Variants in MAMDC4 observed in about 807,000 individuals in gnomAD.
MAMDC4 encodes the protein MAM domain containing 4, also known as apical endosomal glycoprotein.
MAMDC4 carries 168 observed loss-of-function variants against 153.3 expected under a neutral mutation model. The observed-to-expected ratio is 1.10, with a 90% confidence interval of 0.97 to 1.25. The LOEUF (loss-of-function observed/expected upper bound fraction) is 1.25, where lower values mean the gene tolerates loss of function less well. Among genes scored for constraint, MAMDC4 ranks in the 50% most tolerant of loss-of-function variants. The pLI is 0.00. For missense variants in MAMDC4, 1,701 were observed against 1,542.8 expected (o/e 1.10, Z -1.72); for synonymous variants, 744 against 651.5 (o/e 1.14, Z -2.16).
chr9:136,853,968 G>A (rs758063842), intron 5 of MAMDC4, 24 bp from the exon 6 acceptor site: 3 of 1,612,766 alleles, frequency 1.9e-6, no homozygotes, highest in Middle Eastern at 1.6e-4. Flanking sequence ...CCTGACTTAG[G>A]TCCTAAGAGC....
chr9:136,856,983 G>C lies in MAMDC4; in HGVS notation c.1914G>C (p.Val638=). ...HSAHLLSRPQ[V]PAAPTECLSF... ...CCCACCTGCTCTCCAGGCCCCAGGT[G>C]CCAGCAGCACCCACGGAGTGTCTCA... The change falls in exon 16 of 27, where the codon GTG becomes GTC. Residue 638 remains valine (V), a synonymous_variant. Transcript: ENST00000317446. 2 of 1,612,486 alleles carry C rather than the reference G, an allele frequency of 1.2e-6. No homozygotes were observed.
intron 18 of MAMDC4, 36 bp from the exon 19 acceptor site, chr9:136,857,623 G>A: frequency 6.2e-7 from 1 of 1,611,944 alleles, no homozygotes. Context: ...TTGAGGGGCT[G>A]GCCAGGGGCT....
intron 25 of MAMDC4, 40 bp downstream of exon 25, chr9:136,859,357 A>G: frequency 1.3e-6 from 2 of 1,557,328 alleles, no homozygotes; most frequent in Non-Finnish European, 1.7e-6. Flanking sequence ...AGGAGGGCCC[A>G]AGGGGCCAGC....
chr9:136,852,895 T>C (rs1324255011), intron 1 of MAMDC4, among the ~76,000 whole-genome samples: 1 of 152,178 alleles, frequency 6.6e-6, no homozygotes, highest in East Asian at 1.9e-4. Flanking sequence ...CCCCAGCCTC[T>C]TCAGGGCTGG....
chr9:136,857,900 G>T, intron 19 of MAMDC4, 79 bp from the exon 20 acceptor site: 1 of 1,485,356 alleles, frequency 6.7e-7, no homozygotes, highest in South Asian at 1.3e-5. Context: ...GCGCCCGCCA[G>T]GCTGGGAGCC....
chr9:136,857,955 G>T, intron 19 of MAMDC4, 24 bp from the exon 20 acceptor site: 1 of 1,490,752 alleles, frequency 6.7e-7, no homozygotes, highest in South Asian at 1.3e-5. Flanking sequence ...CCACACTGCT[G>T]ACCTGGGCCG....
In MAMDC4 at chr9:136,854,943, T is replaced by G; in HGVS notation, c.1030T>G (p.Phe344Val). 2 of 1,611,618 alleles carry G rather than the reference T, an allele frequency of 1.2e-6. No homozygotes were observed. The highest frequency in any genetic ancestry group is 1.7e-6 in the Non-Finnish European group (2 of 1,179,382). Reference sequence around the variant, plus strand: ...CCAGCTCTTGGTTCCACAGCTGGTCTTCTATCAGTACCTGAGTGGGTCTGA... The same window carrying G: ...CCAGCTCTTGGTTCCACAGCTGGTCGTCTATCAGTACCTGAGTGGGTCTGA... ...ASGTSNCSLV[F>V]YQYLSGSEAG... Residue 344 changes from phenylalanine to valine, a missense_variant, in exon 10 of 27, where the codon TTC becomes GTC. By Grantham distance (50) the Phe-to-Val change is conservative. Transcript: ENST00000317446.
At position 136,854,223 on chromosome 9, in the gene MAMDC4, A is replaced by G. The variant is rs1375708699; in HGVS notation, c.683A>G (p.Asn228Ser). The change falls in exon 7 of 27, where the codon AAC becomes AGC. Residue 228 changes from asparagine (N) to serine (S), a missense_variant. Asn to Ser is a conservative substitution (Grantham distance 46). Coordinates refer to ENST00000317446, the MANE Select transcript of MAMDC4 (RefSeq NM_206920.3). ...CTGCCCCACCCAGCCCCCCAGGCCA[A>G]CTGTCCCCCGGGACACCACCACTGC... ...WDCGLPTPQA[N>S]CPPGHHHCQN... 2.5e-6 allele frequency: 4 copies of G among 1,612,054 alleles called. No homozygotes were observed. Among genetic ancestry groups the G allele is most frequent in the East Asian group, 2.2e-5 (1 of 44,862 alleles).
rs751765600 is a variant in MAMDC4, at chr9:136,860,549, TTCC to T, written c.3373-5_3373-3del. The T allele has an allele frequency of 6.2e-7, 1 of 1,610,672 alleles. No individual in the cohort carries two copies. Among genetic ancestry groups the T allele is most frequent in the Non-Finnish European group, 8.5e-7 (1 of 1,179,456 alleles). ...GAAAGAAAGAAAAAAAAAGCTCCTCTTCCTCCTCCTAGGATGGTGTCACCCTCC... is the reference window on the plus strand; with the variant it reads ...GAAAGAAAGAAAAAAAAAGCTCCTCTTCCTCCTAGGATGGTGTCACCCTCC... On this transcript the variant is annotated splice_polypyrimidine_tract_variant and intron_variant, in intron 26 of 26. Transcript: ENST00000317446.
Position 136,859,977 on chromosome 9 carries a change from GC to G in MAMDC4, c.3286del (p.Arg1096AlafsTer54), listed in dbSNP as rs763228281. 54 of 1,612,886 alleles carry G rather than the reference GC, an allele frequency of 3.3e-5. No homozygotes were observed. Among genetic ancestry groups the G allele is most frequent in the Admixed American group, 1.0e-4 (6 of 59,986 alleles). On this transcript the variant is annotated frameshift_variant, in exon 26 of 27. Transcript: ENST00000317446. LOFTEE classifies it high-confidence loss of function. ...LLVLLGLGGR[R>X]WLQKKGSCPF... ...TGGTGCTGCTGGGACTTGGGGGACGGCGCTGGCTGCAGAAGAAGGGGAGCTG... is the reference window on the plus strand; with the variant it reads ...TGGTGCTGCTGGGACTTGGGGGACGGGCTGGCTGCAGAAGAAGGGGAGCTG...
At position 136,852,399 on chromosome 9, in the gene MAMDC4, G is replaced by A; in HGVS notation, c.-18G>A. The A allele has an allele frequency of 1.2e-6, 2 of 1,608,606 alleles. No homozygotes were observed. The highest frequency in any genetic ancestry group is 1.1e-5 in the South Asian group (1 of 91,088). On this transcript the variant is annotated 5_prime_UTR_variant, in exon 1 of 27. Transcript: ENST00000317446. ...CCCAGGCACCCTGTGTGGCCGCACT[G>A]CTCCCTCTGGCCCAACCATGCCTCT... is the stretch of plus-strand genomic sequence containing the variant.
rs1317529047 is a variant in MAMDC4 at position 136,854,952 on chromosome 9, T to A, written c.1039T>A (p.Tyr347Asn). The A allele has an allele frequency of 6.2e-7, 1 of 1,610,870 alleles. No homozygotes were observed. The change falls in exon 10 of 27, where the codon TAC (tyrosine) becomes AAC (asparagine). Residue 347 changes from tyrosine (Y) to asparagine (N), a missense_variant. Coordinates refer to ENST00000317446, the MANE Select transcript of MAMDC4 (RefSeq NM_206920.3). ...TSNCSLVFYQ[Y>N]LSGSEAGCLQ... ...GGTTCCACAGCTGGTCTTCTATCAG[T>A]ACCTGAGTGGGTCTGAGGCTGGCTG...
chr9:136,860,021 CAG>C lies in MAMDC4; in HGVS notation c.3332_3333del (p.Glu1111GlyfsTer7), dbSNP rs1849063499. On this transcript the variant is annotated frameshift_variant, in exon 26 of 27. Coordinates refer to ENST00000317446, the MANE Select transcript of MAMDC4 (RefSeq NM_206920.3). LOFTEE classifies it low-confidence loss of function (END_TRUNC). ...GGGAGCTGCCCCTTCCAGAGCAACA[CAG>C]AGGCCACAGCCCCTGGCTTTGACAA... 1 of 1,607,944 alleles carries C rather than the reference CAG, an allele frequency of 6.2e-7. No homozygotes were observed. Among genetic ancestry groups the C allele is most frequent in the South Asian group, 1.1e-5 (1 of 90,336 alleles).
chr9:136,857,533 C>A lies in MAMDC4; in HGVS notation c.2273C>A (p.Ser758Ter). The change falls in exon 18 of 27, where the codon TCG becomes TAG. Residue 758 changes from serine to a stop codon, truncating the protein, a stop_gained. Transcript: ENST00000317446. LOFTEE classifies it high-confidence loss of function. The stretch of plus-strand genomic sequence containing the variant: ...CTCTGGAGGCGGCAGGCCAATGCCT[C>A]GGGCCATGCTGCCTGGGGCCCCCCA... ...QGLWRRQANA[S>*]GHAAWGPPTD... 6.2e-7 allele frequency: 1 copy of A among 1,611,342 alleles called. No individual in the cohort carries two copies. The highest frequency in any genetic ancestry group is 8.5e-7 in the Non-Finnish European group (1 of 1,179,964).
In MAMDC4 at chr9:136,856,873, G is replaced by A. The variant is rs762413918; in HGVS notation, c.1838-34G>A. On this transcript the variant is annotated intron_variant, in intron 15 of 26. Coordinates refer to ENST00000317446, the MANE Select transcript of MAMDC4 (RefSeq NM_206920.3). ...GGGGTGGCTTTCAGACGAGAGTGGG[G>A]CATCTCTGCAGCACAGCCCCATGCC... The A allele has an allele frequency of 9.9e-6, 16 of 1,612,170 alleles. 1 individual carries two copies. In the South Asian group the frequency reaches 1.8e-4, roughly 18 times the overall value.
At position 136,858,549 on chromosome 9, in the gene MAMDC4, A is replaced by G. The variant is rs776052256; in HGVS notation, c.2821+3A>G. On this transcript the variant is annotated splice_donor_region_variant and intron_variant, in intron 22 of 26. Coordinates refer to ENST00000317446, the MANE Select transcript of MAMDC4 (RefSeq NM_206920.3). ...CCACACCCTGGGCACAGAGGCAGGT[A>G]CGTGCCCACTGGAGCCAGGTGGGGA... is the stretch of plus-strand genomic sequence containing the variant. 7 of 1,569,170 alleles carry G rather than the reference A, an allele frequency of 4.5e-6. No homozygotes were observed. The highest frequency in any genetic ancestry group is 3.5e-5 in the South Asian group (3 of 85,990).
At position 136,853,336 on chromosome 9, in the gene MAMDC4, A is replaced by G; in HGVS notation, c.206A>G (p.Glu69Gly). The change falls in exon 3 of 27, where the codon GAG becomes GGG. Residue 69 changes from glutamate (E) to glycine (G), a missense_variant. Glu to Gly is a moderately conservative substitution (Grantham distance 98). Coordinates refer to ENST00000317446, the MANE Select transcript of MAMDC4 (RefSeq NM_206920.3). ...GGCGCCCCCTTCGCCTGTGACTTCG[A>G]GCAGGACCCCTGCGGCTGGCGGGAC... ...TLGAPFACDFEQDPCGWRDIS... is the reference protein window; with the variant it reads ...TLGAPFACDFGQDPCGWRDIS... 3 of 1,606,772 alleles carry G rather than the reference A, an allele frequency of 1.9e-6. No homozygotes were observed. Among genetic ancestry groups the G allele is most frequent in the Non-Finnish European group, 2.6e-6 (3 of 1,175,608 alleles).
chr9:136,857,161 G>A lies in MAMDC4; in HGVS notation c.1973-4G>A. 6.2e-7 allele frequency: 1 copy of A among 1,612,440 alleles called. No homozygotes were observed. Among genetic ancestry groups the A allele is most frequent in the Non-Finnish European group, 8.5e-7 (1 of 1,179,838 alleles). Reference sequence around the variant, plus strand: ...TCAGTTATGGACTGGTCCCCTCCCTGCAGGGACTCTGCGCCTAGCCATGAG... The same window carrying A: ...TCAGTTATGGACTGGTCCCCTCCCTACAGGGACTCTGCGCCTAGCCATGAG... On this transcript the variant is annotated splice_region_variant and splice_polypyrimidine_tract_variant and intron_variant, in intron 16 of 26. Transcript: ENST00000317446.
chr9:136,854,433 G>A, intron 7 of MAMDC4, 97 bp downstream of exon 7: 3 of 1,505,276 alleles, frequency 2.0e-6, no homozygotes, highest in South Asian at 1.3e-5. Context: ...TGGATCCTTG[G>A]ATGGTCCTTC....
Sources: allele counts gnomAD v4.1 joint callset (sites outside exome capture counted in the v4.1 genomes callset), GRCh38; gene constraint gnomAD v4.1.1; transcripts MANE v1.5; gene names NCBI Gene and HGNC (gene_info 2026-07-23, HGNC 2026-07-21).